Variants in SMOC1 observed in about 807,000 individuals in gnomAD.
SMOC1 encodes SPARC related modular calcium binding 1, also known as SPARC-related modular calcium-binding protein 1.
A neutral mutation model predicts 56.3 loss-of-function variants in SMOC1; 22 were observed. The ratio of observed to expected loss-of-function variants is 0.39; its 90% confidence interval spans 0.28 to 0.56. SMOC1 has a LOEUF of 0.56. Ranked by LOEUF, SMOC1 falls within the 20% of genes least tolerant of loss-of-function variation. SMOC1 has a pLI of 0.61. For synonymous variants in SMOC1, 193 were observed against 215.0 expected, an observed-to-expected ratio of 0.90 and a Z score of 0.89; for missense variants, 509 against 565.4, an observed-to-expected ratio of 0.90 and a Z score of 1.01.
rs571692001 is a variant in SMOC1 at position 69,887,001 on chromosome 14, G to A, written c.99+7224G>A. Among the ~76,000 whole-genome samples the A allele has an allele frequency of 3.5e-4, 53 of 152,166 alleles. 1 individual carries two copies. The highest frequency in any genetic ancestry group is 6.3e-4 in the Non-Finnish European group (43 of 68,010). On this transcript the variant is annotated intron_variant, in intron 1 of 11. Transcript: ENST00000361956. ...TCTTATGGCCCAGCAATTCCACTCC[G>A]GCTCTATGTGCCCAGGAGAAACTCA...
chr14:70,023,344 G>A lies in SMOC1; in HGVS notation c.1188G>A (p.Lys396=). The A allele has an allele frequency of 6.2e-7, 1 of 1,614,150 alleles. No homozygotes were observed. Among genetic ancestry groups the A allele is most frequent in the Non-Finnish European group, 8.5e-7 (1 of 1,180,030 alleles). The change falls in exon 11 of 12, where the codon AAG becomes AAA. Residue 396 remains lysine (K), a synonymous_variant. Coordinates refer to ENST00000361956, the MANE Select transcript of SMOC1 (RefSeq NM_001034852.3). The stretch of plus-strand genomic sequence containing the variant: ...AGCGCTACGTGAAGAAGAAAGCCAA[G>A]CCCAAGAAATGTGCCCGGCGTTTCA... ...PFKRYVKKKA[K]PKKCARRFTD...
chr14:69,898,200 A>C (rs1470833556), intron 1 of SMOC1, among the ~76,000 whole-genome samples: 2 of 152,004 alleles, frequency 1.3e-5, no homozygotes, highest in Non-Finnish European at 2.9e-5. Flanking sequence ...GGCTTCTTTC[A>C]AGATTTTTTT....
intron 9 of SMOC1, among the ~76,000 whole-genome samples, chr14:70,012,633 C>G (rs1421697669): frequency 6.6e-6 from 1 of 152,164 alleles, no homozygotes; most frequent in Non-Finnish European, 1.5e-5. Context: ...TGGAGAGGAG[C>G]ACTGGGAGTA....
At chr14:69,965,404 T>TAATAATAATAATAATAATAAAAAA in intron 3 of SMOC1, among the ~76,000 whole-genome samples, 1 of 149,478 alleles carries the variant, frequency 6.7e-6, no homozygotes, top group East Asian at 2.0e-4. Flanking sequence ...ATAATAATAA[T>TAATAATAATAATAATAATAAAAAA]AAAAAGATGA....
intron 10 of SMOC1, among the ~76,000 whole-genome samples, chr14:70,018,798 T>C (rs1447661800): frequency 6.6e-6 from 1 of 152,186 alleles, no homozygotes; most frequent in Non-Finnish European, 1.5e-5. Context: ...TGTGGCTTCC[T>C]CCTTCCTGCC....
At chr14:69,921,667 G>A (rs1420953538) in intron 1 of SMOC1, among the ~76,000 whole-genome samples, 2 of 152,176 alleles carry the variant, frequency 1.3e-5, no homozygotes, top group East Asian at 3.9e-4. Context: ...AGAATCTTAT[G>A]AGTCTTCCAT....
chr14:69,980,350 C>T (rs1389073038), intron 5 of SMOC1, among the ~76,000 whole-genome samples: 1 of 152,168 alleles, frequency 6.6e-6, no homozygotes, highest in Non-Finnish European at 1.5e-5. Context: ...GCAGAGGCTT[C>T]CTCTTTGGTG....
rs1884599682 is a variant in SMOC1 at position 69,992,477 on chromosome 14, AGATCTTGCATTACTTC to A, written c.583+5_583+20del. On this transcript the variant is annotated splice_donor_5th_base_variant and intron_variant, in intron 6 of 11. Coordinates refer to ENST00000361956, the MANE Select transcript of SMOC1 (RefSeq NM_001034852.3). ...CAGCCGGTGTTCGATGGAGATGGTA[AGATCTTGCATTACTTC>A]TGATGTTCATTCTCCCACTCATTTT... 1 of 1,610,772 alleles carries A rather than the reference AGATCTTGCATTACTTC, an allele frequency of 6.2e-7. No homozygotes were observed. Among genetic ancestry groups the A allele is most frequent in the Non-Finnish European group, 8.5e-7 (1 of 1,176,900 alleles).
chr14:69,946,874 T>A (rs891065063), intron 1 of SMOC1, among the ~76,000 whole-genome samples: 1 of 152,156 alleles, frequency 6.6e-6, no homozygotes, highest in Non-Finnish European at 1.5e-5. Context: ...GTACTTGTGA[T>A]ATCTGGTTAA....
chr14:69,986,031 A>T (rs1884353491), intron 5 of SMOC1, among the ~76,000 whole-genome samples: 1 of 152,188 alleles, frequency 6.6e-6, no homozygotes, highest in African/African-American at 2.4e-5. Flanking sequence ...GTAAGGTGGG[A>T]TCCCCTATCC....
At chr14:69,952,452 A>G (rs1046746674) in intron 2 of SMOC1, 149 bp downstream of exon 2, 53 of 915,414 alleles carry the variant, frequency 5.8e-5, no homozygotes, top group Non-Finnish European at 7.9e-5. Flanking sequence ...GGCCAAGGGA[A>G]GAAAGCCTGG....
intron 4 of SMOC1, among the ~76,000 whole-genome samples, chr14:69,976,108 C>G (rs755716726): frequency 1.3e-5 from 2 of 152,170 alleles, no homozygotes; most frequent in Non-Finnish European, 2.9e-5. Context: ...GAGTTACTAG[C>G]TTTTGTGCTG....
intron 1 of SMOC1, among the ~76,000 whole-genome samples, chr14:69,920,325 C>A (rs551768726): frequency 6.6e-6 from 1 of 152,258 alleles, no homozygotes; most frequent in Non-Finnish European, 1.5e-5. Context: ...GTATTACTGC[C>A]GTTTACCTCT....
rs552748046 is a variant in SMOC1, at chr14:69,936,098, G to A, written c.100-16040G>A. Among the ~76,000 whole-genome samples the A allele has an allele frequency of 1.5e-3, 234 of 152,132 alleles. 1 individual carries two copies. The highest frequency in any genetic ancestry group is 5.4e-3 in the African/African-American group (223 of 41,506). On this transcript the variant is annotated intron_variant, in intron 1 of 11. Transcript: ENST00000361956. ...CATGTCTTGCAAGGTCTTATTTTTGGCCCTGTGATTTTCATTTCTCCCCCA... is the reference window on the plus strand; with the variant it reads ...CATGTCTTGCAAGGTCTTATTTTTGACCCTGTGATTTTCATTTCTCCCCCA...
intron 1 of SMOC1, among the ~76,000 whole-genome samples, chr14:69,893,989 A>G (rs1884031199): frequency 6.6e-6 from 1 of 152,214 alleles, no homozygotes; most frequent in Non-Finnish European, 1.5e-5. Context: ...CTTCAAGCTA[A>G]GGAGAGAAGC....
At chr14:69,975,664 A>T in intron 3 of SMOC1, 51 bp from the exon 4 acceptor site, 7 of 1,334,844 alleles carry the variant, frequency 5.2e-6, no homozygotes, top group Non-Finnish European at 7.6e-6. Context: ...ATGAGTCTTG[A>T]TATTGTGACC....
chr14:69,922,780 G>A (rs1884881950), intron 1 of SMOC1, among the ~76,000 whole-genome samples: 1 of 151,998 alleles, frequency 6.6e-6, no homozygotes, highest in Non-Finnish European at 1.5e-5. Context: ...TGTGTGTAGG[G>A]AAAAGGAGGG....
At chr14:70,007,547 C>A (rs1885189888) in intron 7 of SMOC1, among the ~76,000 whole-genome samples, 1 of 152,180 alleles carries the variant, frequency 6.6e-6, no homozygotes, top group African/African-American at 2.4e-5. Context: ...GGATAGTCTG[C>A]AAAGACACTG....
chr14:69,941,315 G>T (rs765518742), intron 1 of SMOC1, among the ~76,000 whole-genome samples: 1 of 152,172 alleles, frequency 6.6e-6, no homozygotes, highest in East Asian at 1.9e-4. Context: ...TCAGCCTGGG[G>T]TAACCACCTC....
Sources: allele counts gnomAD v4.1 joint callset (sites outside exome capture counted in the v4.1 genomes callset), GRCh38; gene constraint gnomAD v4.1.1; transcripts MANE v1.5; gene names NCBI Gene and HGNC (gene_info 2026-07-23, HGNC 2026-07-21).